The following PCDH11X variants were observed in gnomAD, a reference collection of about 807,000 sequenced individuals.
PCDH11X encodes protocadherin 11 X-linked.
In PCDH11X, 18 loss-of-function variants were observed where a neutral mutation model predicts 53.3. That is an observed-to-expected ratio of 0.34 (90% confidence interval 0.23 to 0.50). PCDH11X has a LOEUF of 0.50. Ranked by LOEUF, PCDH11X falls within the 20% of genes least tolerant of loss-of-function variation. The pLI, the probability that PCDH11X is intolerant of heterozygous loss-of-function variation, is 0.98. For synonymous variants in PCDH11X, 279 were observed against 393.3 expected (o/e 0.71, Z 3.44); for missense variants, 570 against 1,032.4 (o/e 0.55, Z 6.14).
intron 4 of PCDH11X, among the ~76,000 whole-genome samples, chrX:91,834,241 G>T (rs1282882516): frequency 9.0e-6 from 1 of 111,054 alleles, no homozygotes; most frequent in Non-Finnish European, 1.9e-5. Context: ...ATAAAATAGA[G>T]AATAAGAATT....
chrX:92,461,925 C>T (rs2073054701), intron 9 of PCDH11X, among the ~76,000 whole-genome samples: 1 of 111,999 alleles, frequency 8.9e-6, no homozygotes, highest in Non-Finnish European at 1.9e-5. Context: ...ATAATATATA[C>T]AAATGGCCTA....
intron 6 of PCDH11X, among the ~76,000 whole-genome samples, chrX:91,911,034 T>C (rs1278484280): frequency 9.0e-6 from 1 of 111,542 alleles, no homozygotes; most frequent in African/African-American, 3.2e-5. Context: ...AACTATACTT[T>C]CTTTCATAAA....
chrX:92,342,705 G>A (rs1021357582), intron 8 of PCDH11X, among the ~76,000 whole-genome samples: 3 of 110,935 alleles, frequency 2.7e-5, no homozygotes, highest in African/African-American at 9.8e-5. Flanking sequence ...AGGGGGGAGT[G>A]AGGGAGGGGT....
intron 8 of PCDH11X, among the ~76,000 whole-genome samples, chrX:92,265,759 T>G (rs1251523292): frequency 9.0e-6 from 1 of 111,661 alleles, no homozygotes; most frequent in Non-Finnish European, 1.9e-5. Flanking sequence ...GAGCCAGGGT[T>G]TGAACTCAGG....
At chrX:92,192,380 G>A (rs1199615351) in intron 6 of PCDH11X, among the ~76,000 whole-genome samples, 1 of 111,571 alleles carries the variant, frequency 9.0e-6, no homozygotes, top group Non-Finnish European at 1.9e-5. Flanking sequence ...GTCTCGCTCT[G>A]TCCCCAGGCT....
intron 6 of PCDH11X, among the ~76,000 whole-genome samples, chrX:92,061,216 G>A (rs1040520317): frequency 9.0e-6 from 1 of 111,295 alleles, no homozygotes; most frequent in African/African-American, 3.3e-5. Flanking sequence ...GTACTTTGTA[G>A]ATTCTGGATA....
chrX:91,782,255 G>T (rs1301762047), intron 1 of PCDH11X, among the ~76,000 whole-genome samples: 12 of 105,811 alleles, frequency 1.1e-4, no homozygotes, highest in Non-Finnish European at 1.8e-4. Flanking sequence ...GCGGCCCGCC[G>T]CCGGTTTTAA....
At chrX:91,985,906 T>G (rs2062221153) in intron 6 of PCDH11X, among the ~76,000 whole-genome samples, 1 of 101,244 alleles carries the variant, frequency 9.9e-6, no homozygotes, top group East Asian at 3.1e-4. Context: ...TGCATCTTTT[T>G]TTAAAGAGCT....
chrX:91,798,615 A>T (rs1263523620), intron 1 of PCDH11X, among the ~76,000 whole-genome samples: 2 of 110,500 alleles, frequency 1.8e-5, no homozygotes, highest in Non-Finnish European at 3.8e-5. Flanking sequence ...CAGTAGAATC[A>T]CTTTCTTAAA....
chrX:92,022,015 A>G (rs1327709620), intron 6 of PCDH11X, among the ~76,000 whole-genome samples: 1 of 108,102 alleles, frequency 9.3e-6, no homozygotes, highest in Non-Finnish European at 1.9e-5. Context: ...GAGCTCCTGT[A>G]GGAAGCACTA....
At chrX:92,271,843 C>A (rs1279470692) in intron 8 of PCDH11X, among the ~76,000 whole-genome samples, 3 of 111,925 alleles carry the variant, frequency 2.7e-5, no homozygotes, top group African/African-American at 9.7e-5. Context: ...TTAATTTAGT[C>A]TTTCAAGCAT....
intron 9 of PCDH11X, among the ~76,000 whole-genome samples, chrX:92,408,051 A>T (rs2148597434): frequency 9.1e-6 from 1 of 109,905 alleles, no homozygotes; most frequent in East Asian, 2.9e-4. Flanking sequence ...TGCCAGGCTA[A>T]TTTTTGTATT....
chrX:92,484,177 G>GTATGTATATATATGTATATATGTATA (rs1235719098), intron 10 of PCDH11X, among the ~76,000 whole-genome samples: 10 of 40,147 alleles, frequency 2.5e-4, no homozygotes, highest in Admixed American at 7.0e-4. Context: ...GTATATATAT[G>GTATGTATATATATGTATATATGTATA]TATGTATATA....
intron 6 of PCDH11X, among the ~76,000 whole-genome samples, chrX:91,919,772 G>C (rs1941686509): frequency 9.1e-6 from 1 of 110,004 alleles, no homozygotes; most frequent in African/African-American, 3.4e-5. Flanking sequence ...AAATTATCTG[G>C]ATAAAAAAAG....
At chrX:91,828,137 T>G (rs1278120062) in intron 4 of PCDH11X, among the ~76,000 whole-genome samples, 1 of 97,771 alleles carries the variant, frequency 1.0e-5, no homozygotes, top group East Asian at 3.3e-4. Context: ...TTTTTTTTTT[T>G]GAGATGGAGT....
intron 10 of PCDH11X, among the ~76,000 whole-genome samples, chrX:92,608,182 T>C (rs1439956250): frequency 8.3e-5 from 8 of 96,865 alleles, no homozygotes; most frequent in Non-Finnish European, 1.4e-4. Flanking sequence ...GCACACATGT[T>C]CAGAGAGAAG....
intron 4 of PCDH11X, among the ~76,000 whole-genome samples, chrX:91,823,146 T>C (rs1490751367): frequency 2.7e-5 from 3 of 110,187 alleles, no homozygotes; most frequent in African/African-American, 1.0e-4. Context: ...AAAATGTATA[T>C]TCTGTTGATT....
intron 9 of PCDH11X, among the ~76,000 whole-genome samples, chrX:92,438,596 T>C (rs2072442442): frequency 9.0e-6 from 1 of 110,957 alleles, no homozygotes; most frequent in East Asian, 2.9e-4. Flanking sequence ...AAGCAGGTCA[T>C]AAGACACTCA....
intron 10 of PCDH11X, among the ~76,000 whole-genome samples, chrX:92,516,161 G>GAA (rs2074266012): frequency 9.0e-6 from 1 of 110,902 alleles, no homozygotes; most frequent in South Asian, 3.8e-4. Flanking sequence ...GAATTGAGGG[G>GAA]TTGTTAATCC....
Sources: allele counts gnomAD v4.1 joint callset (sites outside exome capture counted in the v4.1 genomes callset), GRCh38; gene constraint gnomAD v4.1.1; transcripts MANE v1.5; gene names NCBI Gene and HGNC (gene_info 2026-07-23, HGNC 2026-07-21).